Variants in OVCH2 observed in about 807,000 individuals in gnomAD.
OVCH2 encodes the protein ovochymase 2, also known as ovochymase-2.
In OVCH2, 88 loss-of-function variants were observed where a neutral mutation model predicts 73.7. The ratio of observed to expected loss-of-function variants is 1.19; its 90% confidence interval spans 1.01 to 1.43. The LOEUF (loss-of-function observed/expected upper bound fraction) is 1.43. OVCH2 is among the 40% of genes most tolerant of loss of function. The pLI is 0.00. For missense variants in OVCH2, 706 were observed against 674.5 expected, an observed-to-expected ratio of 1.05 and a Z score of -0.52; for synonymous variants, 265 against 234.5, an observed-to-expected ratio of 1.13 and a Z score of -1.19.
In OVCH2 at chr11:7,706,296, T is replaced by C. The variant is rs1451208355; in HGVS notation, c.88+11A>G. The stretch of plus-strand genomic sequence containing the variant: ...AGACAAAGGTAATTATAGAGTTCAT[T>C]TGAAACTTACCTTTGGGGAGCGAAA... On this transcript the variant is annotated intron_variant, in intron 1 of 15. Transcript: ENST00000533663. The C allele has an allele frequency of 1.3e-6, 2 of 1,574,562 alleles. No individual in the cohort carries two copies. Among genetic ancestry groups the C allele is most frequent in the Middle Eastern group, 1.7e-4 (1 of 6,002 alleles).
chr11:7,700,355 G>A lies in OVCH2; in HGVS notation c.842C>T (p.Pro281Leu). ...TTTACTAATGTCTGTGAAGATCCCAGGGGATCCTTGATCACTTTTCCTCAC... is the reference window on the plus strand; with the variant it reads ...TTTACTAATGTCTGTGAAGATCCCAAGGGATCCTTGATCACTTTTCCTCAC... Reference protein sequence around the residue: ...NNVRKSDQGSPGIFTDISKVL... With the variant: ...NNVRKSDQGSLGIFTDISKVL... Residue 281 changes from proline (P) to leucine (L), a missense_variant, in exon 7 of 16, where the codon CCT becomes CTT. Transcript: ENST00000533663. 3.1e-6 allele frequency: 5 copies of A among 1,613,742 alleles called. No homozygotes were observed. Among genetic ancestry groups the A allele is most frequent in the Non-Finnish European group, 3.4e-6 (4 of 1,179,768 alleles).
rs148727452 is a variant in OVCH2 at position 7,702,219 on chromosome 11, G to A, written c.401C>T (p.Ser134Phe). 6.2e-7 allele frequency: 1 copy of A among 1,612,888 alleles called. No individual in the cohort carries two copies. The highest frequency in any genetic ancestry group is 1.7e-5 in the Admixed American group (1 of 59,798). ...IETVIIHPHF[S>F]TKKPMDYDIA... ...ATCATAGTCCATTGGTTTCTTGGTG[G>A]AGAAATGTGGATGTATGATGACAGT... Residue 134 changes from serine to phenylalanine, a missense_variant, in exon 4 of 16, where the codon TCC becomes TTC. Ser to Phe is a radical substitution (Grantham distance 155, BLOSUM62 -2). Transcript: ENST00000533663.
At position 7,697,044 on chromosome 11, in the gene OVCH2, A is replaced by G. The variant is rs1267833471; in HGVS notation, c.926-245T>C. 6 of 502,860 alleles carry G rather than the reference A, an allele frequency of 1.2e-5. No homozygotes were observed. The East Asian group carries it at 2.0e-4, about 17-fold the overall frequency. 31.1% of individuals were successfully genotyped at this position (502,860 alleles called of 1,614,324 possible). On this transcript the variant is annotated intron_variant, in intron 8 of 15. Transcript: ENST00000533663. ...CTTCTCTCTCTTTTTATTTTATTTT[A>G]TTTTATCTTTGAGGCAGGGCCTCAA...
chr11:7,692,711 G>C (rs1686078068), intron 12 of OVCH2, among the ~76,000 whole-genome samples: 2 of 152,158 alleles, frequency 1.3e-5, no homozygotes, highest in Non-Finnish European at 2.9e-5. Flanking sequence ...TGGATACTAA[G>C]CTTAAATGTA....
At chr11:7,681,465 G>T in the OVCH2 span, among the ~76,000 whole-genome samples, 3 of 152,178 alleles carry the variant, frequency 2.0e-5, no homozygotes, top group Non-Finnish European at 2.9e-5. Flanking sequence ...CAAGAGTCTT[G>T]AGACACCTGG....
chr11:7,694,868 G>A (rs944719237), intron 12 of OVCH2, among the ~76,000 whole-genome samples, 190 bp downstream of exon 12: 1 of 141,338 alleles, frequency 7.1e-6, no homozygotes, highest in African/African-American at 2.7e-5. Flanking sequence ...AAAATGTGTA[G>A]TTGCAGGGGA....
intron 7 of OVCH2, chr11:7,699,239 C>T (rs1856390729): frequency 6.4e-6 from 1 of 155,954 alleles, no homozygotes; most frequent in African/African-American, 2.4e-5. Flanking sequence ...TTGGAAGCCA[C>T]CAGATAAGAA....
chr11:7,679,751 T>G, the OVCH2 span, among the ~76,000 whole-genome samples: 2 of 152,176 alleles, frequency 1.3e-5, no homozygotes, highest in African/African-American at 4.8e-5. Context: ...GAAAGTTGGA[T>G]GGAACCTTCA....
At chr11:7,703,972 T>C (rs778071500) in intron 2 of OVCH2, among the ~76,000 whole-genome samples, 183 bp from the exon 3 acceptor site, 3 of 152,172 alleles carry the variant, frequency 2.0e-5, no homozygotes, top group Non-Finnish European at 4.4e-5. Context: ...CTGGCAACCC[T>C]GGTCTAGATG....
chr11:7,701,416 A>C lies in OVCH2; in HGVS notation c.619T>G (p.Cys207Gly). The C allele has an allele frequency of 1.2e-6, 2 of 1,612,534 alleles. No homozygotes were observed. The highest frequency in any genetic ancestry group is 1.7e-6 in the Non-Finnish European group (2 of 1,179,454). Reference protein sequence around the residue: ...VNLPILTWEECVAALLTLKRP... With the variant: ...VNLPILTWEEGVAALLTLKRP... ...TTTAGTGTTAACAGAGCTGCCACAC[A>C]CTCTTCCCAGGTCAAAATAGGCAGA... Residue 207 changes from cysteine to glycine, a missense_variant, in exon 6 of 16, where the codon TGT (cysteine) becomes GGT (glycine). By Grantham distance (159) the Cys-to-Gly change is radical (BLOSUM62 -3). Transcript: ENST00000533663.
chr11:7,702,356 T>A (rs778816609), intron 3 of OVCH2, 27 bp from the exon 4 acceptor site: 9 of 1,518,324 alleles, frequency 5.9e-6, no homozygotes, highest in Non-Finnish European at 8.0e-6. Context: ...GTAAAATGAA[T>A]GAATTTCATT....
rs1589879763 is a variant in OVCH2 at position 7,700,420 on chromosome 11, A to T, written c.777T>A (p.Thr259=). ...KKGAWTLAGV[T]SWGLGCGRGW... ...CTCGACCACAGCCCAAACCCCAGGA[A>T]GTCACACCAGCCAGAGTCCAGGCCC... The change falls in exon 7 of 16, where the codon ACT becomes ACA. Residue 259 remains threonine, a synonymous_variant. Coordinates refer to ENST00000533663, the MANE Select transcript of OVCH2 (RefSeq NM_198185.7). 8.7e-6 allele frequency: 14 copies of T among 1,612,764 alleles called. No individual in the cohort carries two copies. The highest frequency in any genetic ancestry group is 1.1e-5 in the Non-Finnish European group (13 of 1,179,396).
intron 12 of OVCH2, among the ~76,000 whole-genome samples, chr11:7,693,869 T>A (rs1289531600): frequency 6.6e-6 from 1 of 152,224 alleles, no homozygotes. Flanking sequence ...CTCCCTTTTT[T>A]ATGGAGGTGT....
chr11:7,695,652 C>T lies in OVCH2; in HGVS notation c.1200G>A (p.Arg400=), dbSNP rs1443556612. Residue 400 remains arginine (R), a synonymous_variant, in exon 11 of 16, where the codon AGG becomes AGA. Transcript: ENST00000533663. The part of the protein sequence containing the change: ...SSILIGSNSL[R]LKFVSDATDN... ...CTGTGGCATCAGAGACGAATTTCAG[C>T]CTTAGAGAATTAGAGCCAATAAGAA... 1 of 1,601,244 alleles carries T rather than the reference C, an allele frequency of 6.2e-7. No individual in the cohort carries two copies. The highest frequency in any genetic ancestry group is 8.5e-7 in the Non-Finnish European group (1 of 1,179,560).
chr11:7,691,790 G>A (rs958419465), intron 13 of OVCH2, 112 bp downstream of exon 13: 11 of 770,972 alleles, frequency 1.4e-5, no homozygotes, highest in African/African-American at 1.0e-4. Context: ...ACAGGGAGGG[G>A]TGGAGGTGGT....
chr11:7,679,471 A>C, the OVCH2 span, among the ~76,000 whole-genome samples: 2 of 152,182 alleles, frequency 1.3e-5, no homozygotes, highest in Non-Finnish European at 2.9e-5. Context: ...ATTGGGGGGC[A>C]GTTTCCCCAT....
At chr11:7,686,137 C>A (rs1311590573), downstream of OVCH2, among the ~76,000 whole-genome samples, 1 of 152,194 alleles carries the variant, frequency 6.6e-6, no homozygotes, top group Non-Finnish European at 1.5e-5. Flanking sequence ...TGAGAGGTAG[C>A]ACAGCACTGT....
At chr11:7,691,083 A>G (rs1856210400) in intron 14 of OVCH2, 186 bp downstream of exon 14, 1 of 681,398 alleles carries the variant, frequency 1.5e-6, no homozygotes. Context: ...AAGGCACCTA[A>G]CCTTGTACAT....
chr11:7,694,871 G>T (rs986893191), intron 12 of OVCH2, among the ~76,000 whole-genome samples, 187 bp downstream of exon 12: 22 of 146,450 alleles, frequency 1.5e-4, no homozygotes, highest in Admixed American at 2.1e-4. Flanking sequence ...ATGTGTAGTT[G>T]CAGGGGAAAC....
Sources: allele counts gnomAD v4.1 joint callset (sites outside exome capture counted in the v4.1 genomes callset), GRCh38; gene constraint gnomAD v4.1.1; transcripts MANE v1.5; gene names NCBI Gene and HGNC (gene_info 2026-07-23, HGNC 2026-07-21).